Variants in TECPR2 observed in about 807,000 individuals in gnomAD.
TECPR2 encodes the protein tectonin beta-propeller repeat containing 2.
A neutral mutation model predicts 138.1 loss-of-function variants in TECPR2; 65 were observed. The ratio of observed to expected loss-of-function variants is 0.47; its 90% CI spans 0.39 to 0.58. The LOEUF (loss-of-function observed/expected upper bound fraction) is 0.58. Among genes scored for constraint, TECPR2 ranks in the 20% least tolerant of loss-of-function variants. The pLI is 0.00. For missense variants in TECPR2, 1,553 were observed against 1,824.5 expected (o/e 0.85, Z 2.71); for synonymous variants, 746 against 749.8 (o/e 0.99, Z 0.08).
intron 2 of TECPR2, among the ~76,000 whole-genome samples, chr14:102,392,734 G>A (rs1489757353): frequency 6.6e-6 from 1 of 152,038 alleles, no homozygotes; most frequent in Non-Finnish European, 1.5e-5. Context: ...GAGAACCCTG[G>A]GGGACCTGGA....
In TECPR2 at chr14:102,434,435, GA is replaced by G; in HGVS notation, c.1622del (p.Asn541IlefsTer105). 6.5e-7 allele frequency: 1 copy of G among 1,535,392 alleles called. No homozygotes were observed. The highest frequency in any genetic ancestry group is 8.7e-7 in the Non-Finnish European group (1 of 1,143,486). ...TGGTGAAGTGAACGGTGTCCCACAGGAAAATACTGACCCCGAAACGTTTAAT... is the reference window on the plus strand; with the variant it reads ...TGGTGAAGTGAACGGTGTCCCACAGGAAATACTGACCCCGAAACGTTTAAT... ...FNGEVNGVPQ[E>X]NTDPETFNVL... is the part of the protein sequence containing the mutation. On this transcript the variant is annotated frameshift_variant, in exon 9 of 20. Transcript: ENST00000359520. LOFTEE classifies it high-confidence loss of function.
At chr14:102,383,142 AC>A (rs1484348031) in intron 2 of TECPR2, among the ~76,000 whole-genome samples, 7 of 151,992 alleles carry the variant, frequency 4.6e-5, no homozygotes, top group African/African-American at 9.7e-5. Flanking sequence ...CATTTCCAGC[AC>A]CCCAGAAGAT....
chr14:102,374,272 A>T (rs1427589643), intron 1 of TECPR2, among the ~76,000 whole-genome samples: 1 of 152,148 alleles, frequency 6.6e-6, no homozygotes, highest in African/African-American at 2.4e-5. Flanking sequence ...ATTCAGAGAA[A>T]CTTCTCTAGT....
rs185002380 is a variant in TECPR2, at chr14:102,487,261, G to A, written c.3790-9718G>A. On this transcript the variant is annotated intron_variant, in intron 17 of 19. Coordinates refer to ENST00000359520, the MANE Select transcript of TECPR2 (RefSeq NM_014844.5). ...TTGTGCTGCCGCTTCAAAAACCCTC[G>A]GTCCACCCTGGTATTCCTGAAACAT... Among the ~76,000 whole-genome samples, 13 of 152,270 alleles carry A rather than the reference G, an allele frequency of 8.5e-5. No homozygotes were observed. In the East Asian group the frequency reaches 2.3e-3, roughly 27 times the overall value.
In TECPR2 at chr14:102,430,193, C is replaced by T. The variant is rs571590067; in HGVS notation, c.1085-1603C>T. Among the ~76,000 whole-genome samples the T allele has an allele frequency of 1.1e-4, 17 of 152,190 alleles. No individual in the cohort carries two copies. In the South Asian group the frequency reaches 2.7e-3, roughly 24 times the overall value. On this transcript the variant is annotated intron_variant, in intron 7 of 19. Transcript: ENST00000359520. ...TGCACCATGTTACCCAGGCTGGTCTCGAACTCCTGAGCTCAGGCAGTCCTC... is the reference window on the plus strand; with the variant it reads ...TGCACCATGTTACCCAGGCTGGTCTTGAACTCCTGAGCTCAGGCAGTCCTC...
At chr14:102,429,406 A>G (rs1010443956) in intron 7 of TECPR2, among the ~76,000 whole-genome samples, 2 of 152,226 alleles carry the variant, frequency 1.3e-5, no homozygotes, top group Non-Finnish European at 2.9e-5. Context: ...CATCTGGGAC[A>G]TACCGTTTAC....
intron 17 of TECPR2, among the ~76,000 whole-genome samples, chr14:102,472,761 A>C (rs1311678242): frequency 1.3e-5 from 2 of 152,194 alleles, no homozygotes; most frequent in African/African-American, 2.4e-5. Context: ...TTACGAGGAA[A>C]TCTGTTACCC....
intron 17 of TECPR2, among the ~76,000 whole-genome samples, chr14:102,494,509 CT>C (rs1293888803): frequency 6.6e-6 from 1 of 151,860 alleles, no homozygotes; most frequent in African/African-American, 2.4e-5. Context: ...CGCCACTGCA[CT>C]CCAGACACAG....
At position 102,425,069 on chromosome 14, in the gene TECPR2, G is replaced by T; in HGVS notation, c.729G>T (p.Trp243Cys). Residue 243 changes from tryptophan to cysteine, a missense_variant, in exon 6 of 20, where the codon TGG (tryptophan) becomes TGT (cysteine). Transcript: ENST00000359520. ...CGTCACGGCCCGGGCTCCGGCTATG[G>T]AAGGCTGATGTCCACGGGACTGTTC... ...LYASRPGLRL[W>C]KADVHGTVQA... 1 of 1,614,124 alleles carries T rather than the reference G, an allele frequency of 6.2e-7. No homozygotes were observed. Among genetic ancestry groups the T allele is most frequent in the Non-Finnish European group, 8.5e-7 (1 of 1,180,030 alleles).
intron 4 of TECPR2, among the ~76,000 whole-genome samples, chr14:102,409,299 CA>C (rs1332325652): frequency 6.6e-6 from 1 of 151,306 alleles, no homozygotes; most frequent in African/African-American, 2.4e-5. Flanking sequence ...TATAGGAATT[CA>C]GCAATTTTTT....
At chr14:102,423,657 C>A (rs1227646934) in intron 5 of TECPR2, among the ~76,000 whole-genome samples, 2 of 152,094 alleles carry the variant, frequency 1.3e-5, no homozygotes, top group Non-Finnish European at 2.9e-5. Flanking sequence ...CTATGATGTT[C>A]ACACAACGAA....
intron 17 of TECPR2, chr14:102,496,762 G>A (rs1891291839): frequency 4.7e-6 from 3 of 644,380 alleles, no homozygotes; most frequent in East Asian, 5.7e-5. Context: ...TATCTGCTGG[G>A]CTGTCCCTCA....
intron 2 of TECPR2, among the ~76,000 whole-genome samples, chr14:102,384,426 C>T (rs751255755): frequency 1.4e-4 from 21 of 151,532 alleles, no homozygotes; most frequent in Non-Finnish European, 2.5e-4. Flanking sequence ...GGCCTGTAAT[C>T]CCAGCACTTC....
At chr14:102,482,211 C>T (rs974439023) in intron 17 of TECPR2, among the ~76,000 whole-genome samples, 3 of 152,140 alleles carry the variant, frequency 2.0e-5, no homozygotes, top group Non-Finnish European at 2.9e-5. Context: ...TGTGCCACCA[C>T]ACCCAGCTAA....
At chr14:102,371,364 G>A (rs568183357) in intron 1 of TECPR2, among the ~76,000 whole-genome samples, 16 of 152,318 alleles carry the variant, frequency 1.1e-4, no homozygotes, top group South Asian at 6.2e-4. Flanking sequence ...TCCTCAGCCC[G>A]TCCTAGACAC....
Position 102,394,180 on chromosome 14 carries a change from A to G in TECPR2, c.220-13158A>G, listed in dbSNP as rs189143638. On this transcript the variant is annotated intron_variant, in intron 2 of 19. Coordinates refer to ENST00000359520, the MANE Select transcript of TECPR2 (RefSeq NM_014844.5). Reference sequence around the variant, plus strand: ...CTCCTTCCTTTCCACAAACCTACCAAATCCTCTATCGCCAAGTCCTTTGGG... The same window carrying G: ...CTCCTTCCTTTCCACAAACCTACCAGATCCTCTATCGCCAAGTCCTTTGGG... Among the ~76,000 whole-genome samples, 333 of 152,206 alleles carry G rather than the reference A, an allele frequency of 2.2e-3. 3 individuals carry two copies. Among genetic ancestry groups the G allele is most frequent in the African/African-American group, 7.6e-3 (317 of 41,528 alleles).
At chr14:102,461,862 C>T (rs1249029915) in intron 16 of TECPR2, among the ~76,000 whole-genome samples, 1 of 152,180 alleles carries the variant, frequency 6.6e-6, no homozygotes, top group Non-Finnish European at 1.5e-5. Context: ...TGGTCTCTGC[C>T]ACCGCGTTCA....
chr14:102,431,266 T>A lies in TECPR2; in HGVS notation c.1085-530T>A, dbSNP rs115417136. ...AGCTATGGCAAATTATTTTACTGAT[T>A]TTAATATATGAGCTTCTTGAAGAAC... On this transcript the variant is annotated intron_variant, in intron 7 of 19. Transcript: ENST00000359520. Among the ~76,000 whole-genome samples, 217 of 151,834 alleles carry A rather than the reference T, an allele frequency of 1.4e-3. 1 individual carries two copies. The highest frequency in any genetic ancestry group is 5.1e-3 in the African/African-American group (210 of 41,514).
intron 2 of TECPR2, among the ~76,000 whole-genome samples, chr14:102,400,052 T>TC (rs1888433861): frequency 6.6e-6 from 1 of 150,512 alleles, no homozygotes; most frequent in South Asian, 2.1e-4. Flanking sequence ...TCTTTTCTTT[T>TC]TTTTTTTTTT....
Sources: gnomAD v4.1 joint callset for allele counts (sites outside exome capture counted in the v4.1 genomes callset) on GRCh38, gnomAD v4.1.1 for gene constraint, MANE v1.5 for transcripts, NCBI Gene and HGNC (gene_info 2026-07-23, HGNC 2026-07-21) for gene names.